Variants in ADAM11 observed in about 807,000 individuals in gnomAD.
ADAM11 encodes ADAM metallopeptidase domain 11.
A neutral mutation model predicts 119.1 loss-of-function variants in ADAM11; 49 were observed. That is an observed-to-expected ratio of 0.41 (90% CI 0.33 to 0.52). ADAM11 has a LOEUF of 0.52. Ranked by LOEUF, ADAM11 falls within the 20% of genes least tolerant of loss-of-function variation. The probability of loss-of-function intolerance (pLI) is 0.20; values close to 1 mark genes in which losing one functional copy is unlikely to be tolerated. For missense variants in ADAM11, 777 were observed against 1,047.5 expected (o/e 0.74, Z 3.56); for synonymous variants, 364 against 408.0 (o/e 0.89, Z 1.30).
rs1191858496 is a variant in ADAM11, at chr17:44,777,890, G to A, written c.2070+27G>A. The stretch of plus-strand genomic sequence containing the variant: ...TGACTGCCTGGAGCCTGGGATGGCG[G>A]GAGAAGCTTACAAGAGGGGACAGGC... On this transcript the variant is annotated intron_variant, in intron 23 of 26. Coordinates refer to ENST00000200557, the MANE Select transcript of ADAM11 (RefSeq NM_002390.6). This position sits in a 1 kb window ranked among gnomAD's most constrained non-coding sequence, Gnocchi z 5.1. 3 of 1,613,610 alleles carry A rather than the reference G, an allele frequency of 1.9e-6. No individual in the cohort carries two copies. Among genetic ancestry groups the A allele is most frequent in the Admixed American group, 3.3e-5 (2 of 60,028 alleles).
chr17:44,773,435 C>T lies in ADAM11; in HGVS notation c.992+8C>T. On this transcript the variant is annotated splice_region_variant and intron_variant, in intron 11 of 26. Coordinates refer to ENST00000200557, the MANE Select transcript of ADAM11 (RefSeq NM_002390.6). The surrounding 1 kb of genome is among the most constrained non-coding windows in gnomAD (Gnocchi z 4.6). ...TGCCACCCACCTCTTCTCGTGAGTC[C>T]CCCACCCTGCACCTCCTGCCAGCCT... 6.2e-7 allele frequency: 1 copy of T among 1,610,608 alleles called. No homozygotes were observed. Among genetic ancestry groups the T allele is most frequent in the Non-Finnish European group, 8.5e-7 (1 of 1,177,964 alleles).
At position 44,772,793 on chromosome 17, in the gene ADAM11, G is replaced by A; in HGVS notation, c.679-64G>A. 6.7e-7 allele frequency: 1 copy of A among 1,503,694 alleles called. No homozygotes were observed. The highest frequency in any genetic ancestry group is 9.2e-7 in the Non-Finnish European group (1 of 1,086,374). The allele number at this position is 1,503,694 out of a possible 1,614,324, so 93.1% of individuals were successfully genotyped here. On this transcript the variant is annotated intron_variant, in intron 8 of 26. Coordinates refer to ENST00000200557, the MANE Select transcript of ADAM11 (RefSeq NM_002390.6). The surrounding 1 kb of genome is among the most constrained non-coding windows in gnomAD (Gnocchi z 4.5). ...CCCCATCCCCACCGAGTCTGTTCCT[G>A]GCTTGGCCATGAGATCAGTCAGACA...
Position 44,775,986 on chromosome 17 carries a change from G to A in ADAM11, c.1486-141G>A. On this transcript the variant is annotated intron_variant, in intron 17 of 26. Transcript: ENST00000200557. The surrounding 1 kb of genome is among the most constrained non-coding windows in gnomAD (Gnocchi z 7.5). ...GAGCGTTCAAGAGGTGGTGGGAGCA[G>A]GGAAATAAGAACAGGCCTGAAACGG... 1 of 1,007,126 alleles carries A rather than the reference G, an allele frequency of 9.9e-7. No individual in the cohort carries two copies. The allele number at this position is 1,007,126 out of a possible 1,614,324, so 62.4% of individuals were successfully genotyped here.
intron 2 of ADAM11, among the ~76,000 whole-genome samples, chr17:44,767,144 A>G (rs960151277): frequency 6.6e-6 from 1 of 152,060 alleles, no homozygotes; most frequent in African/African-American, 2.4e-5. Context: ...TCACAAGGTC[A>G]GGAGTTCAAG....
chr17:44,760,534 ATAAT>A (rs960060255), intron 2 of ADAM11, among the ~76,000 whole-genome samples: 3 of 152,250 alleles, frequency 2.0e-5, no homozygotes, highest in African/African-American at 7.2e-5. Flanking sequence ...ATTGCAATTA[ATAAT>A]TAATTAATAT....
In ADAM11 at chr17:44,772,550, C is replaced by A; in HGVS notation, c.678+84C>A. On this transcript the variant is annotated intron_variant, in intron 8 of 26. Coordinates refer to ENST00000200557, the MANE Select transcript of ADAM11 (RefSeq NM_002390.6). This position sits in a 1 kb window ranked among gnomAD's most constrained non-coding sequence, Gnocchi z 4.5. ...GGCCGTGGCCCAGAGCAGGAGGGCA[C>A]CCTCATCTATGGCTGGGGCGAAGGA... The A allele has an allele frequency of 1.4e-6, 2 of 1,476,022 alleles. No homozygotes were observed. Among genetic ancestry groups the A allele is most frequent in the Non-Finnish European group, 1.8e-6 (2 of 1,090,816 alleles). The allele number at this position is 1,476,022 out of a possible 1,614,324, so 91.4% of individuals were successfully genotyped here.
chr17:44,777,010 T>G lies in ADAM11; in HGVS notation c.1681+48T>G. 6.3e-7 allele frequency: 1 copy of G among 1,589,136 alleles called. No individual in the cohort carries two copies. Among genetic ancestry groups the G allele is most frequent in the Non-Finnish European group, 8.6e-7 (1 of 1,162,770 alleles). The stretch of plus-strand genomic sequence containing the variant: ...GTGGGGACTCCGGAGGACCCAGAGC[T>G]GAGAAGCTGGGGAGAGTGGGTTCCA... On this transcript the variant is annotated intron_variant, in intron 20 of 26. Transcript: ENST00000200557. The surrounding 1 kb of genome is among the most constrained non-coding windows in gnomAD (Gnocchi z 5.1).
rs1555552875 is a variant in ADAM11, at chr17:44,776,246, G to A, written c.1566+39G>A. ...CGCCGTCTTGTGGAGCCCTGGGCGA[G>A]GCAACCCCTACCCTTGTCGATTTGG... On this transcript the variant is annotated intron_variant, in intron 18 of 26. Coordinates refer to ENST00000200557, the MANE Select transcript of ADAM11 (RefSeq NM_002390.6). The surrounding 1 kb of genome is among the most constrained non-coding windows in gnomAD (Gnocchi z 5.2). The A allele has an allele frequency of 1.2e-6, 2 of 1,610,028 alleles. No individual in the cohort carries two copies. The highest frequency in any genetic ancestry group is 1.7e-5 in the Admixed American group (1 of 59,928).
intron 2 of ADAM11, among the ~76,000 whole-genome samples, chr17:44,760,722 G>T (rs1368647110): frequency 6.6e-6 from 1 of 152,098 alleles, no homozygotes; most frequent in African/African-American, 2.4e-5. Flanking sequence ...TACAACTGAG[G>T]CCTGGGAAGT....
chr17:44,760,868 G>A (rs1470050262), intron 2 of ADAM11, among the ~76,000 whole-genome samples: 4 of 152,142 alleles, frequency 2.6e-5, no homozygotes, highest in Non-Finnish European at 4.4e-5. Flanking sequence ...AGCCCTTAAG[G>A]GAGGGGAGCA....
At chr17:44,779,139 G>T in intron 25 of ADAM11, 83 bp from the exon 26 acceptor site, 1 of 1,530,342 alleles carries the variant, frequency 6.5e-7, no homozygotes, top group Non-Finnish European at 8.8e-7. Context: ...GGGGTCGCAT[G>T]GCAGCCAAAG....
chr17:44,770,910 T>C (rs1265118845), intron 4 of ADAM11, among the ~76,000 whole-genome samples: 1 of 151,714 alleles, frequency 6.6e-6, no homozygotes, highest in East Asian at 1.9e-4. Context: ...AGGTCAGGAG[T>C]TTGAGATCAG....
intron 2 of ADAM11, among the ~76,000 whole-genome samples, chr17:44,762,561 C>G (rs1431574505): frequency 6.6e-6 from 1 of 152,116 alleles, no homozygotes; most frequent in East Asian, 1.9e-4. Context: ...TCAAGCCTAG[C>G]CGGTGTGGAG....
At chr17:44,765,685 A>C (rs2049441785) in intron 2 of ADAM11, among the ~76,000 whole-genome samples, 1 of 126,928 alleles carries the variant, frequency 7.9e-6, no homozygotes, top group Non-Finnish European at 1.5e-5. Flanking sequence ...CAGTGGCACG[A>C]TCTTGGCTCA....
chr17:44,779,636 C>T, intron 26 of ADAM11, 103 bp from the exon 27 acceptor site: 1 of 1,502,618 alleles, frequency 6.7e-7, no homozygotes, highest in East Asian at 2.4e-5. Context: ...CTGTGACTTG[C>T]CGCCTGCCTC....
chr17:44,772,231 G>A lies in ADAM11; in HGVS notation c.544-36G>A, dbSNP rs1330542001. On this transcript the variant is annotated intron_variant, in intron 6 of 26. Coordinates refer to ENST00000200557, the MANE Select transcript of ADAM11 (RefSeq NM_002390.6). This position sits in a 1 kb window ranked among gnomAD's most constrained non-coding sequence, Gnocchi z 4.5. Reference sequence around the variant, plus strand: ...GCCAAGTGGGCCTGGAGCAGGCCCAGTTGGCACCCCAAGAACTAATTTCCC... The same window carrying A: ...GCCAAGTGGGCCTGGAGCAGGCCCAATTGGCACCCCAAGAACTAATTTCCC... 1 of 1,582,544 alleles carries A rather than the reference G, an allele frequency of 6.3e-7. No homozygotes were observed. Among genetic ancestry groups the A allele is most frequent in the Admixed American group, 1.7e-5 (1 of 57,648 alleles).
chr17:44,780,056 G>A lies in ADAM11; in HGVS notation c.*302G>A, dbSNP rs1478500485. On this transcript the variant is annotated 3_prime_UTR_variant, in exon 27 of 27. Coordinates refer to ENST00000200557, the MANE Select transcript of ADAM11 (RefSeq NM_002390.6). ...CTCATGGATTGCCACAGCTCAACTC[G>A]GGGGCGCCTGGAGGGATGCCCCCAG... 2.1e-5 allele frequency: 14 copies of A among 681,850 alleles called. No homozygotes were observed. The highest frequency in any genetic ancestry group is 1.8e-4 in the Admixed American group (9 of 49,176). 42.2% of individuals were successfully genotyped at this position (681,850 alleles called of 1,614,324 possible).
At chr17:44,764,578 C>T (rs1453365326) in intron 2 of ADAM11, among the ~76,000 whole-genome samples, 1 of 152,116 alleles carries the variant, frequency 6.6e-6, no homozygotes, top group African/African-American at 2.4e-5. Context: ...TCTGCCATGC[C>T]AGAGAGTTCA....
In ADAM11 at chr17:44,777,537, G is replaced by A; in HGVS notation, c.1837G>A (p.Gly613Arg). The change falls in exon 22 of 27, where the codon GGG becomes AGG. Residue 613 changes from glycine (G) to arginine (R), a missense_variant. Physicochemically the swap from Gly to Arg is moderately radical, Grantham distance 125. This residue lies in a region of ADAM11 where 348 missense variants were observed against 486.7 expected (regional missense o/e 0.72). Transcript: ENST00000200557. This position sits in a 1 kb window ranked among gnomAD's most constrained non-coding sequence, Gnocchi z 5.1. Reference sequence around the variant, plus strand: ...CAACATCTCTGGAGCTCCTCGGCTAGGGGACCTGGTGGGAGACATCAGTAG... The same window carrying A: ...CAACATCTCTGGAGCTCCTCGGCTAAGGGACCTGGTGGGAGACATCAGTAG... The part of the protein sequence containing the change: ...CVNISGAPRL[G>R]DLVGDISSVT... 6.2e-7 allele frequency: 1 copy of A among 1,614,176 alleles called. No individual in the cohort carries two copies. Among genetic ancestry groups the A allele is most frequent in the Non-Finnish European group, 8.5e-7 (1 of 1,180,026 alleles).
Sources: gnomAD v4.1 joint callset for allele counts (sites outside exome capture counted in the v4.1 genomes callset) on GRCh38, gnomAD v4.1.1 for gene constraint, gnomAD v4.1.1 regional missense constraint, Gnocchi (gnomAD v3.1) non-coding constraint, MANE v1.5 for transcripts, NCBI Gene and HGNC (gene_info 2026-07-23, HGNC 2026-07-21) for gene names.